Variants in CACNA1D observed in about 807,000 individuals in gnomAD.
CACNA1D encodes calcium voltage-gated channel subunit alpha1 D.
CACNA1D carries 55 observed loss-of-function variants against 257.1 expected under a neutral mutation model. The observed-to-expected ratio is 0.21, with a 90% CI of 0.17 to 0.27. The LOEUF (loss-of-function observed/expected upper bound fraction) is 0.27. Among genes scored for constraint, CACNA1D ranks in the 10% least tolerant of loss-of-function variants. The pLI, the probability that CACNA1D is intolerant of heterozygous loss-of-function variation, is 1.00. For missense variants in CACNA1D, 1,876 were observed against 2,784.0 expected (o/e 0.67, Z 7.34); for synonymous variants, 980 against 1,014.9 (o/e 0.97, Z 0.65).
chr3:53,534,725 C>T (rs2092061379), intron 3 of CACNA1D, among the ~76,000 whole-genome samples: 1 of 152,224 alleles, frequency 6.6e-6, no homozygotes, highest in African/African-American at 2.4e-5. Flanking sequence ...CTCCAAGCAT[C>T]TGTTCCTCTA....
At position 53,732,885 on chromosome 3, in the gene CACNA1D, C is replaced by T; in HGVS notation, c.2544C>T (p.Ile848=). ...EVPAGPRPRR[I]SELNMKEKIA... is the part of the protein sequence containing the mutation. Reference sequence around the variant, plus strand: ...CTGCCGGACCCCGTCCTCGAAGGATCTCGGAGTTGAACATGAAGGAAAAAA... The same window carrying T: ...CTGCCGGACCCCGTCCTCGAAGGATTTCGGAGTTGAACATGAAGGAAAAAA... Residue 848 remains isoleucine, a synonymous_variant, in exon 19 of 48, where the codon ATC becomes ATT. Coordinates refer to ENST00000350061, the MANE Select transcript of CACNA1D (RefSeq NM_001128840.3). The T allele has an allele frequency of 6.2e-7, 1 of 1,613,938 alleles. No individual in the cohort carries two copies.
At chr3:53,507,099 A>C in intron 3 of CACNA1D, among the ~76,000 whole-genome samples, 1 of 151,696 alleles carries the variant, frequency 6.6e-6, no homozygotes, top group East Asian at 1.9e-4. Context: ...AAAAACAAAA[A>C]AATGTGGTAG....
chr3:53,687,437 T>C (rs1174466599), intron 8 of CACNA1D, among the ~76,000 whole-genome samples: 1 of 152,038 alleles, frequency 6.6e-6, no homozygotes, highest in Non-Finnish European at 1.5e-5. Context: ...GAATAACAAA[T>C]TCAGAAATTC....
intron 6 of CACNA1D, 51 bp downstream of exon 6, chr3:53,665,863 C>A: frequency 6.9e-7 from 1 of 1,442,864 alleles, no homozygotes; most frequent in Non-Finnish European, 9.7e-7. Flanking sequence ...TTTTGTTTTC[C>A]CCAAAGCAAC....
chr3:53,516,558 G>A (rs956825842), intron 3 of CACNA1D, among the ~76,000 whole-genome samples: 1 of 152,234 alleles, frequency 6.6e-6, no homozygotes, highest in African/African-American at 2.4e-5. Flanking sequence ...CTGCTGAGAC[G>A]CTGAGGTCAG....
intron 3 of CACNA1D, among the ~76,000 whole-genome samples, chr3:53,615,343 C>G (rs1393078995): frequency 6.6e-6 from 1 of 152,218 alleles, no homozygotes; most frequent in African/African-American, 2.4e-5. Context: ...ACCCGGGTTC[C>G]AGACCTGGCC....
intron 3 of CACNA1D, among the ~76,000 whole-genome samples, chr3:53,520,553 G>C (rs2091513389): frequency 6.6e-6 from 1 of 152,184 alleles, no homozygotes. Flanking sequence ...GTCACCTGAG[G>C]CCAGGAGTTC....
intron 2 of CACNA1D, among the ~76,000 whole-genome samples, chr3:53,500,575 T>C (rs1056466302): frequency 1.3e-5 from 2 of 152,236 alleles, no homozygotes; most frequent in Non-Finnish European, 2.9e-5. Context: ...TTGAAGTGTT[T>C]AGTTAAACCA....
chr3:53,809,097 G>A lies in CACNA1D; in HGVS notation c.5871+327G>A, dbSNP rs1349938148. On this transcript the variant is annotated intron_variant, in intron 46 of 47. Transcript: ENST00000350061. ...CTGATGTGATCTGAGCTCAGGGAGT[G>A]GGGGCCACTTGGCTGATTCTGAACA... The A allele has an allele frequency of 1.2e-5, 4 of 330,050 alleles. No homozygotes were observed. The Admixed American group carries it at 1.8e-4, about 15-fold the overall frequency. 20.4% of individuals were successfully genotyped at this position (330,050 alleles called of 1,614,324 possible). A position where few individuals can be genotyped will look rare whatever the true frequency, so the allele number is the denominator to read the frequency against.
intron 3 of CACNA1D, among the ~76,000 whole-genome samples, chr3:53,509,681 G>A (rs1206189065): frequency 2.0e-5 from 3 of 152,080 alleles, no homozygotes; most frequent in Non-Finnish European, 4.4e-5. Context: ...CCCTGTAGGA[G>A]CCCAGCCAGG....
At chr3:53,510,331 C>A (rs1457588885) in intron 3 of CACNA1D, among the ~76,000 whole-genome samples, 1 of 152,176 alleles carries the variant, frequency 6.6e-6, no homozygotes, top group Non-Finnish European at 1.5e-5. Flanking sequence ...AACATGCATT[C>A]TATGGCTTCC....
At position 53,495,152 on chromosome 3, in the gene CACNA1D, A is replaced by C. The variant is rs1218470927; in HGVS notation, c.-15A>C. 3 of 1,607,812 alleles carry C rather than the reference A, an allele frequency of 1.9e-6. No individual in the cohort carries two copies. The highest frequency in any genetic ancestry group is 2.2e-5 in the South Asian group (2 of 90,960). On this transcript the variant is annotated 5_prime_UTR_variant, in exon 1 of 48. Transcript: ENST00000350061. This position sits in a 1 kb window ranked among gnomAD's most constrained non-coding sequence, Gnocchi z 5.1. Reference sequence around the variant, plus strand: ...AGTGCCCTGCACACAGTAGTCGCTCAATAAATGTTCGTGGATGATGATGAT... The same window carrying C: ...AGTGCCCTGCACACAGTAGTCGCTCCATAAATGTTCGTGGATGATGATGAT...
At chr3:53,647,899 G>A (rs2094039585) in intron 3 of CACNA1D, among the ~76,000 whole-genome samples, 3 of 152,184 alleles carry the variant, frequency 2.0e-5, no homozygotes, top group Admixed American at 2.0e-4. Flanking sequence ...TATTTCTTAT[G>A]AAGAATCCCA....
At chr3:53,545,093 C>CT (rs563062875) in intron 3 of CACNA1D, among the ~76,000 whole-genome samples, 2 of 152,138 alleles carry the variant, frequency 1.3e-5, no homozygotes, top group Non-Finnish European at 2.9e-5. Context: ...TGCCATGAGG[C>CT]TTTTTTGGCA....
In CACNA1D at chr3:53,654,222, G is replaced by A. The variant is rs376607193; in HGVS notation, c.623+3304G>A. ...GGATCTACACAGAAAGAAATGAAGA[G>A]TACCAGAAAGTGGCTCTACACAAAA... On this transcript the variant is annotated intron_variant, in intron 4 of 47. Coordinates refer to ENST00000350061, the MANE Select transcript of CACNA1D (RefSeq NM_001128840.3). Among the ~76,000 whole-genome samples, 8 of 152,278 alleles carry A rather than the reference G, an allele frequency of 5.3e-5. No individual in the cohort carries two copies. In the East Asian group the frequency reaches 1.2e-3, roughly 22 times the overall value.
chr3:53,739,160 C>G (rs2095089514), intron 20 of CACNA1D, among the ~76,000 whole-genome samples: 1 of 152,228 alleles, frequency 6.6e-6, no homozygotes, highest in South Asian at 2.1e-4. Context: ...CCCTGTGACT[C>G]TTCGCTGGCA....
chr3:53,796,795 A>G (rs192630817), intron 40 of CACNA1D, among the ~76,000 whole-genome samples: 3 of 152,332 alleles, frequency 2.0e-5, no homozygotes, highest in Admixed American at 2.0e-4. Flanking sequence ...TTTAAAATCA[A>G]CCAGAAACTA....
intron 3 of CACNA1D, among the ~76,000 whole-genome samples, chr3:53,620,028 A>T (rs1360514376): frequency 1.3e-5 from 2 of 152,222 alleles, no homozygotes; most frequent in African/African-American, 4.8e-5. Context: ...CTATGAAGAA[A>T]ATTTATGAAA....
chr3:53,565,329 A>AACAC (rs745322541), intron 3 of CACNA1D, among the ~76,000 whole-genome samples: 7 of 150,842 alleles, frequency 4.6e-5, no homozygotes, highest in Non-Finnish European at 8.9e-5. Context: ...TTTTGACTGT[A>AACAC]ACACACACAC....
Sources: gnomAD v4.1 joint callset for allele counts (sites outside exome capture counted in the v4.1 genomes callset) on GRCh38, gnomAD v4.1.1 for gene constraint, Gnocchi (gnomAD v3.1) non-coding constraint, MANE v1.5 for transcripts, NCBI Gene and HGNC (gene_info 2026-07-23, HGNC 2026-07-21) for gene names.